Variants in IQSEC1 observed in about 807,000 individuals in gnomAD.
The protein encoded by IQSEC1 is IQ motif and Sec7 domain ArfGEF 1, also known as IQ motif and SEC7 domain-containing protein 1.
A neutral mutation model predicts 91.0 loss-of-function variants in IQSEC1; 31 were observed. That is an observed-to-expected ratio of 0.34 (90% CI 0.26 to 0.46). The LOEUF (loss-of-function observed/expected upper bound fraction) is 0.46. Ranked by LOEUF, IQSEC1 falls within the 20% of genes least tolerant of loss-of-function variation. IQSEC1 has a pLI of 1.00. For missense variants in IQSEC1, 1,388 were observed against 1,575.6 expected (o/e 0.88, Z 2.02); for synonymous variants, 699 against 662.6 (o/e 1.05, Z -0.84).
intron 2 of IQSEC1, among the ~76,000 whole-genome samples, chr3:13,130,130 G>A (rs1449347321): frequency 1.3e-5 from 2 of 151,058 alleles, no homozygotes; most frequent in East Asian, 2.0e-4. Flanking sequence ...AGGATTATGA[G>A]GTCAGGAGTT....
intron 1 of IQSEC1, among the ~76,000 whole-genome samples, chr3:13,069,479 C>G (rs987304885): frequency 9.2e-5 from 14 of 152,248 alleles, no homozygotes; most frequent in African/African-American, 3.4e-4. Context: ...TCGCTTCCTT[C>G]ATGAAGGCCC....
At chr3:13,213,540 C>G (rs1306131219) in intron 1 of IQSEC1, among the ~76,000 whole-genome samples, 1 of 152,182 alleles carries the variant, frequency 6.6e-6, no homozygotes. Flanking sequence ...CAGCTCATCA[C>G]CCACGTTCTT....
intron 7 of IQSEC1, 124 bp downstream of exon 7, chr3:12,915,470 C>A (rs1436126566): frequency 9.4e-7 from 1 of 1,061,964 alleles, no homozygotes; most frequent in Non-Finnish European, 1.4e-6. Flanking sequence ...CAAGCCCTGG[C>A]AGAATTCACC....
rs372159791 is a variant in IQSEC1 at position 12,941,712 on chromosome 3, C to T, written c.177G>A (p.Pro59=). Residue 59 remains proline, a synonymous_variant, in exon 2 of 14, where the codon CCG becomes CCA. Coordinates refer to ENST00000613206, the MANE Select transcript of IQSEC1 (RefSeq NM_001134382.3). ...VGAYGLYSGP[P]GQQQRTRRPK... ...GCCTCCGCGTGCGCTGCTGTTGCCC[C>T]GGCGGCCCCGAGTACAGCCCATAGG... 65 of 1,612,422 alleles carry T rather than the reference C, an allele frequency of 4.0e-5. 1 individual carries two copies. Among genetic ancestry groups the T allele is most frequent in the African/African-American group, 5.3e-5 (4 of 74,906 alleles).
intron 1 of IQSEC1, among the ~76,000 whole-genome samples, chr3:12,976,495 C>T (rs1254376519): frequency 6.6e-6 from 1 of 152,230 alleles, no homozygotes; most frequent in African/African-American, 2.4e-5. Context: ...GGTTCTGCAG[C>T]TTCCAAGCCC....
chr3:13,020,762 G>A (rs1428648060), intron 1 of IQSEC1, among the ~76,000 whole-genome samples: 1 of 152,162 alleles, frequency 6.6e-6, no homozygotes, highest in Admixed American at 6.5e-5. Flanking sequence ...CCCTTGAACT[G>A]GGCTCAAGCA....
At chr3:13,001,995 G>C (rs187633362) in intron 1 of IQSEC1, among the ~76,000 whole-genome samples, 1 of 152,078 alleles carries the variant, frequency 6.6e-6, no homozygotes, top group East Asian at 1.9e-4. Context: ...GAGGCAGGGT[G>C]GGGGGTGGCA....
intron 12 of IQSEC1, among the ~76,000 whole-genome samples, chr3:12,903,412 C>T (rs930325884): frequency 2.6e-5 from 4 of 152,246 alleles, no homozygotes; most frequent in African/African-American, 9.6e-5. Context: ...TTGTGCAGTG[C>T]CCTGGCCAGG....
intron 2 of IQSEC1, among the ~76,000 whole-genome samples, chr3:13,105,136 T>C (rs1293239058): frequency 2.0e-5 from 3 of 152,174 alleles, no homozygotes; most frequent in Non-Finnish European, 1.5e-5. Context: ...AGGTCTTTCA[T>C]GGTCTGGCCC....
chr3:12,966,102 GGT>G (rs935919849), intron 1 of IQSEC1, among the ~76,000 whole-genome samples: 2 of 152,160 alleles, frequency 1.3e-5, no homozygotes, highest in Non-Finnish European at 2.9e-5. Context: ...GAGGGCCGCG[GGT>G]GTGTGTGGGA....
intron 12 of IQSEC1, 46 bp from the exon 13 acceptor site, chr3:12,902,868 T>G (rs1159385505): frequency 5.6e-6 from 8 of 1,417,094 alleles, no homozygotes; most frequent in Middle Eastern, 1.7e-4. Context: ...GACATGAGGC[T>G]GGGGGTGCTG....
At chr3:13,079,988 G>A (rs1455977387) in intron 2 of IQSEC1, among the ~76,000 whole-genome samples, 2 of 152,220 alleles carry the variant, frequency 1.3e-5, no homozygotes, top group Non-Finnish European at 2.9e-5. Context: ...TTGAAGGGTG[G>A]CCAGAAGCTT....
chr3:13,121,322 C>G (rs904123720), intron 2 of IQSEC1, among the ~76,000 whole-genome samples: 2 of 152,224 alleles, frequency 1.3e-5, no homozygotes, highest in African/African-American at 2.4e-5. Flanking sequence ...CTCACCTCCT[C>G]CTCCCAGCTA....
Position 12,936,397 on chromosome 3 carries a change from T to C in IQSEC1, c.619A>G (p.Thr207Ala). ...SPECGDLSEPTTLKSPAPSSD... is the reference protein window; with the variant it reads ...SPECGDLSEPATLKSPAPSSD... ...GAGGGGGCCGGAGACTTGAGGGTGG[T>C]GGGCTCGCTGAGGTCACCACACTCA... The change falls in exon 3 of 14, where the codon ACC becomes GCC. Residue 207 changes from threonine to alanine, a missense_variant. By Grantham distance (58) the Thr-to-Ala change is moderately conservative. Around this residue, in one of 2 missense-constraint regions of IQSEC1, gnomAD observed 1,059 missense variants for 1,317.8 expected, o/e 0.80. Transcript: ENST00000613206. 1 of 1,593,978 alleles carries C rather than the reference T, an allele frequency of 6.3e-7. No individual in the cohort carries two copies. Among genetic ancestry groups the C allele is most frequent in the East Asian group, 2.2e-5 (1 of 44,580 alleles).
chr3:13,009,529 C>T (rs1391780418), intron 1 of IQSEC1, among the ~76,000 whole-genome samples: 2 of 151,892 alleles, frequency 1.3e-5, no homozygotes. Flanking sequence ...GTAACTCCCC[C>T]GGAAATGCCC....
intron 1 of IQSEC1, among the ~76,000 whole-genome samples, chr3:13,182,721 G>A (rs1336232798): frequency 6.6e-6 from 1 of 152,056 alleles, no homozygotes; most frequent in African/African-American, 2.4e-5. Context: ...GAAATCGCAA[G>A]GGAAATTCAA....
chr3:13,244,435 G>A (rs182949821), intron 1 of IQSEC1, among the ~76,000 whole-genome samples: 5 of 152,346 alleles, frequency 3.3e-5, no homozygotes, highest in Admixed American at 2.0e-4. Flanking sequence ...CCCAGTGATT[G>A]TCGGTATATG....
Position 13,236,554 on chromosome 3 carries a change from C to T in IQSEC1, c.272+46157G>A, listed in dbSNP as rs369060225. Among the ~76,000 whole-genome samples, 24 of 152,316 alleles carry T rather than the reference C, an allele frequency of 1.6e-4. No individual in the cohort carries two copies. The East Asian group carries it at 2.9e-3, about 18-fold the overall frequency. On this transcript the variant is annotated intron_variant, in intron 1 of 15. Transcript: ENST00000648114. ...CGAGAGGCTCACTACCTGTCAAGGG[C>T]CTTCACCCCATCCTCAGGTGCTTCG...
At chr3:13,134,842 A>C (rs1487942174) in intron 2 of IQSEC1, among the ~76,000 whole-genome samples, 1 of 152,168 alleles carries the variant, frequency 6.6e-6, no homozygotes, top group East Asian at 1.9e-4. Context: ...CAGCTGGCCC[A>C]GTCCAGCCTC....
Sources: gnomAD v4.1 joint callset for allele counts (sites outside exome capture counted in the v4.1 genomes callset) on GRCh38, gnomAD v4.1.1 for gene constraint, gnomAD v4.1.1 regional missense constraint, MANE v1.5 for transcripts, NCBI Gene and HGNC (gene_info 2026-07-23, HGNC 2026-07-21) for gene names.